The following RBFOX1 variants were observed in gnomAD, a reference collection of about 807,000 sequenced individuals.
The protein encoded by RBFOX1 is RNA binding protein fox-1 homolog 1.
Under a neutral mutation model 57.7 loss-of-function variants are expected in RBFOX1, and 8 were observed. The observed-to-expected ratio is 0.14, with a 90% CI of 0.08 to 0.25. The LOEUF is 0.25. Ranked by LOEUF, RBFOX1 falls within the 10% of genes least tolerant of loss-of-function variation. The pLI is 1.00. For synonymous variants in RBFOX1, 326 were observed against 222.4 expected (o/e 1.47, Z -4.15); for missense variants, 611 against 548.5 (o/e 1.11, Z -1.14).
At chr16:6,327,780 C>G (rs2082545630) in intron 2 of RBFOX1, among the ~76,000 whole-genome samples, 1 of 152,182 alleles carries the variant, frequency 6.6e-6, no homozygotes, top group Non-Finnish European at 1.5e-5. Flanking sequence ...CCAGGAGCCT[C>G]TCTTCTTGAC....
At chr16:5,588,812 G>C (rs1044388958) in intron 2 of RBFOX1, among the ~76,000 whole-genome samples, 2 of 152,186 alleles carry the variant, frequency 1.3e-5, no homozygotes, top group Non-Finnish European at 2.9e-5. Flanking sequence ...AGTGATCTGA[G>C]TTCAGGCATT....
intron 3 of RBFOX1, among the ~76,000 whole-genome samples, chr16:5,783,483 TATA>T (rs1380081383): frequency 1.3e-5 from 2 of 152,190 alleles, no homozygotes. Context: ...ATATCAATAA[TATA>T]GGAAAAGTGG....
chr16:6,607,874 T>C (rs1378824591), intron 2 of RBFOX1, among the ~76,000 whole-genome samples: 1 of 152,192 alleles, frequency 6.6e-6, no homozygotes, highest in Non-Finnish European at 1.5e-5. Context: ...TTTAAAATTC[T>C]CTTTGTCCAC....
intron 3 of RBFOX1, among the ~76,000 whole-genome samples, chr16:6,976,079 A>T (rs762369646): frequency 6.6e-6 from 1 of 152,182 alleles, no homozygotes; most frequent in East Asian, 1.9e-4. Context: ...ATGAGCCAAG[A>T]TCGTCCCACT....
chr16:7,005,049 C>T (rs867537561), intron 3 of RBFOX1, among the ~76,000 whole-genome samples: 2 of 152,126 alleles, frequency 1.3e-5, no homozygotes, highest in Non-Finnish European at 2.9e-5. Flanking sequence ...GAGGCTGAGG[C>T]AGGAGCATTC....
chr16:5,286,049 C>G (rs532421423), intron 1 of RBFOX1, among the ~76,000 whole-genome samples: 2 of 152,180 alleles, frequency 1.3e-5, no homozygotes, highest in Non-Finnish European at 2.9e-5. Flanking sequence ...GGATTACTGG[C>G]ATGAACCACC....
chr16:7,464,718 A>G (rs577341703), intron 4 of RBFOX1, among the ~76,000 whole-genome samples: 3 of 110,286 alleles, frequency 2.7e-5, no homozygotes, highest in South Asian at 5.6e-4. Context: ...TTTTTTTGAG[A>G]CAGAGTCTTG....
intron 3 of RBFOX1, among the ~76,000 whole-genome samples, chr16:6,681,772 T>C (rs1055171336): frequency 6.6e-6 from 1 of 152,182 alleles, no homozygotes; most frequent in Non-Finnish European, 1.5e-5. Flanking sequence ...TCTCTGTAAT[T>C]CAGTTCTCAC....
At chr16:6,286,572 C>T (rs140393931) in intron 1 of RBFOX1, among the ~76,000 whole-genome samples, 5 of 152,320 alleles carry the variant, frequency 3.3e-5, no homozygotes, top group African/African-American at 1.2e-4. Flanking sequence ...TGGAAGATAG[C>T]AGTCGTCTCC....
At chr16:5,555,487 G>C (rs2045633974) in intron 2 of RBFOX1, among the ~76,000 whole-genome samples, 2 of 151,708 alleles carry the variant, frequency 1.3e-5, no homozygotes, top group East Asian at 4.0e-4. Context: ...CTGACCTCAG[G>C]TGATCCACCT....
intron 3 of RBFOX1, among the ~76,000 whole-genome samples, chr16:6,952,120 A>G (rs954614128): frequency 2.0e-4 from 31 of 152,158 alleles, no homozygotes; most frequent in Middle Eastern, 3.4e-3. Flanking sequence ...TTCATTTAAT[A>G]TTTCCCCACA....
intron 3 of RBFOX1, among the ~76,000 whole-genome samples, chr16:6,702,407 T>C (rs2061992582): frequency 6.6e-6 from 1 of 152,040 alleles, no homozygotes; most frequent in African/African-American, 2.4e-5. Flanking sequence ...TACAAAAATC[T>C]GCCTGGCGTG....
chr16:7,306,454 G>A (rs995486844), intron 4 of RBFOX1, among the ~76,000 whole-genome samples: 2 of 152,198 alleles, frequency 1.3e-5, no homozygotes, highest in Non-Finnish European at 2.9e-5. Flanking sequence ...TCCATATGAA[G>A]ATAGATGGAG....
At chr16:7,449,520 C>T (rs916555193) in intron 4 of RBFOX1, among the ~76,000 whole-genome samples, 2 of 152,104 alleles carry the variant, frequency 1.3e-5, no homozygotes, top group Admixed American at 6.5e-5. Context: ...CATGATCTAT[C>T]ATATTGCCCT....
At chr16:6,685,442 A>AATT in intron 3 of RBFOX1, among the ~76,000 whole-genome samples, 1 of 125,646 alleles carries the variant, frequency 8.0e-6, no homozygotes, top group South Asian at 2.7e-4. Context: ...TACCCAGCTA[A>AATT]TTTTTTTTTT....
intron 3 of RBFOX1, among the ~76,000 whole-genome samples, chr16:5,731,850 GA>G (rs2052384532): frequency 6.6e-6 from 1 of 152,096 alleles, no homozygotes; most frequent in African/African-American, 2.4e-5. Context: ...TCCACTGCAA[GA>G]AAAATAAGAA....
chr16:7,153,991 G>C (rs1205984352), intron 4 of RBFOX1, among the ~76,000 whole-genome samples: 1 of 152,104 alleles, frequency 6.6e-6, no homozygotes, highest in East Asian at 1.9e-4. Flanking sequence ...CATCTGTGTG[G>C]ATTTGATTCT....
intron 4 of RBFOX1, among the ~76,000 whole-genome samples, chr16:7,170,392 C>T (rs188658490): frequency 6.6e-6 from 1 of 152,022 alleles, no homozygotes; most frequent in Non-Finnish European, 1.5e-5. Flanking sequence ...TCACCTCAGC[C>T]TCCTGAGTAG....
intron 4 of RBFOX1, among the ~76,000 whole-genome samples, chr16:7,297,011 G>A (rs758834843): frequency 2.0e-5 from 3 of 152,138 alleles, no homozygotes; most frequent in Non-Finnish European, 2.9e-5. Context: ...GAAGAGCTGG[G>A]TTGAAAGATC....
Sources: allele counts gnomAD v4.1 joint callset (sites outside exome capture counted in the v4.1 genomes callset), GRCh38; gene constraint gnomAD v4.1.1; transcripts MANE v1.5; gene names NCBI Gene and HGNC (gene_info 2026-07-23, HGNC 2026-07-21).